TSGA10: variants seen among roughly 807,000 people sequenced by gnomAD.
TSGA10 encodes testis-specific gene 10 protein.
A neutral mutation model predicts 96.6 loss-of-function variants in TSGA10; 43 were observed. The ratio of observed to expected loss-of-function variants is 0.44; its 90% confidence interval spans 0.35 to 0.57. The LOEUF (loss-of-function observed/expected upper bound fraction) is 0.57, where lower values mean the gene tolerates loss of function less well. Among genes scored for constraint, TSGA10 ranks in the 20% least tolerant of loss-of-function variants. The pLI is 0.01. For synonymous variants in TSGA10, 229 were observed against 269.9 expected (o/e 0.85, Z 1.48); for missense variants, 703 against 834.4 (o/e 0.84, Z 1.94).
intron 1 of TSGA10, among the ~76,000 whole-genome samples, chr2:99,139,508 T>A (rs2105089814): frequency 6.6e-6 from 1 of 152,312 alleles, no homozygotes; most frequent in African/African-American, 2.4e-5. Context: ...TGGGTTTTTC[T>A]TTTTAAAAAT....
chr2:99,083,274 T>C (rs1035576837), intron 10 of TSGA10, among the ~76,000 whole-genome samples: 1 of 152,170 alleles, frequency 6.6e-6, no homozygotes, highest in Non-Finnish European at 1.5e-5. Flanking sequence ...CTATACTTTA[T>C]GCAAACTGAT....
At chr2:99,003,541 T>C (rs996571039) in intron 20 of TSGA10, among the ~76,000 whole-genome samples, 10 of 152,170 alleles carry the variant, frequency 6.6e-5, no homozygotes, top group African/African-American at 2.2e-4. Context: ...ATTGACCACA[T>C]AGTTGGAAGT....
intron 8 of TSGA10, 22 bp from the exon 9 acceptor site, chr2:99,105,458 A>C (rs762283524): frequency 4.3e-6 from 7 of 1,613,836 alleles, no homozygotes; most frequent in Non-Finnish European, 5.9e-6. Context: ...GCAAAAACAA[A>C]ATAAAGTGAT....
Position 99,068,920 on chromosome 2 carries a change from C to A in TSGA10, c.1186G>T (p.Val396Phe). Residue 396 changes from valine (V) to phenylalanine (F), a missense_variant, in exon 15 of 21, where the codon GTT becomes TTT. By Grantham distance (50) the Val-to-Phe change is conservative. Transcript: ENST00000393483. ...TTTAATATATTCTTCAGCTTGTTAA[C>A]CTCCAAATTAGTATCTTGAACCTTC... ...KQKVQDTNLE[V>F]NKLKNILKSE... 1 of 1,462,480 alleles carries A rather than the reference C, an allele frequency of 6.8e-7. No homozygotes were observed. The highest frequency in any genetic ancestry group is 9.0e-7 in the Non-Finnish European group (1 of 1,110,056). 90.6% of individuals were successfully genotyped at this position (1,462,480 alleles called of 1,614,324 possible). A position where few individuals can be genotyped will look rare whatever the true frequency, so the allele number is the denominator to read the frequency against.
chr2:99,078,301 A>G (rs1431314013), intron 12 of TSGA10, among the ~76,000 whole-genome samples: 5 of 148,596 alleles, frequency 3.4e-5, no homozygotes, highest in African/African-American at 1.2e-4. Context: ...AAGTGTTCCT[A>G]GTTCTAAACA....
At chr2:99,121,807 C>A (rs150889885) in intron 2 of TSGA10, among the ~76,000 whole-genome samples, 3 of 152,108 alleles carry the variant, frequency 2.0e-5, no homozygotes, top group African/African-American at 7.2e-5. Context: ...CCAATTTTTC[C>A]TTTTATGAGT....
intron 17 of TSGA10, among the ~76,000 whole-genome samples, chr2:99,031,933 A>C (rs2105052943): frequency 6.6e-6 from 1 of 152,356 alleles, no homozygotes; most frequent in South Asian, 2.1e-4. Context: ...GCTGCTGCAA[A>C]TATAGATTAA....
chr2:99,114,464 CTTTA>C (rs2092080499), intron 4 of TSGA10, among the ~76,000 whole-genome samples: 1 of 152,082 alleles, frequency 6.6e-6, no homozygotes. Flanking sequence ...TTTGTTCTCT[CTTTA>C]TTAAGTTTCT....
chr2:99,146,210 A>G (rs2093630337), intron 1 of TSGA10, among the ~76,000 whole-genome samples: 1 of 152,206 alleles, frequency 6.6e-6, no homozygotes, highest in Non-Finnish European at 1.5e-5. Context: ...GTGAACCCAG[A>G]AAGGCGGAGG....
chr2:99,118,530 T>C lies in TSGA10; in HGVS notation c.-356+21A>G, dbSNP rs2092404299. On this transcript the variant is annotated intron_variant, in intron 3 of 20. Coordinates refer to ENST00000393483, the MANE Select transcript of TSGA10 (RefSeq NM_025244.4). ...ATTATTAACTTTTTAAAAAGTCCTT[T>C]TGAAAGTATCAGTAACTTACTTGAC... 4.1e-6 allele frequency: 4 copies of C among 970,876 alleles called. No homozygotes were observed. The African/African-American group carries it at 5.3e-5, about 13-fold the overall frequency. The allele number at this position is 970,876 out of a possible 1,614,324, so 60.1% of individuals were successfully genotyped here. A position where few individuals can be genotyped will look rare whatever the true frequency, so the allele number is the denominator to read the frequency against.
At chr2:99,113,135 A>G (rs1169212370) in intron 4 of TSGA10, among the ~76,000 whole-genome samples, 1 of 152,084 alleles carries the variant, frequency 6.6e-6, no homozygotes, top group Non-Finnish European at 1.5e-5. Context: ...ACAACTCAAG[A>G]TGAGAGAATA....
intron 16 of TSGA10, among the ~76,000 whole-genome samples, chr2:99,062,408 A>T (rs2084801600): frequency 6.6e-6 from 1 of 152,208 alleles, no homozygotes; most frequent in Non-Finnish European, 1.5e-5. Context: ...AAAATAGACT[A>T]ATAACCTCAA....
chr2:99,001,934 G>GA (rs2077959999), intron 20 of TSGA10, among the ~76,000 whole-genome samples: 1 of 152,088 alleles, frequency 6.6e-6, no homozygotes, highest in South Asian at 2.1e-4. Flanking sequence ...GAAGTTTAGA[G>GA]AAAAAAGAAT....
Position 99,154,933 on chromosome 2 carries a change from G to A in TSGA10, c.-861C>T, listed in dbSNP as rs2093733887. The A allele has an allele frequency of 4.4e-6, 2 of 449,500 alleles. No homozygotes were observed. Among genetic ancestry groups the A allele is most frequent in the Admixed American group, 2.4e-5 (1 of 41,860 alleles). 27.8% of individuals were successfully genotyped at this position (449,500 alleles called of 1,614,324 possible). On this transcript the variant is annotated 5_prime_UTR_variant, in exon 1 of 21. Coordinates refer to ENST00000393483, the MANE Select transcript of TSGA10 (RefSeq NM_025244.4). ...CCCTCCTTCTCTTGCGCTTCAGGGG[G>A]CCGGCCCTCAGGGGGCGGGGCAGCA...
At chr2:99,129,043 C>T (rs1028883885) in intron 1 of TSGA10, among the ~76,000 whole-genome samples, 1 of 152,190 alleles carries the variant, frequency 6.6e-6, no homozygotes, top group African/African-American at 2.4e-5. Flanking sequence ...ACCCAGCCAA[C>T]ACATTCTTAA....
At chr2:99,088,643 A>G (rs1384158853) in intron 10 of TSGA10, among the ~76,000 whole-genome samples, 4 of 152,224 alleles carry the variant, frequency 2.6e-5, no homozygotes, top group Non-Finnish European at 5.9e-5. Flanking sequence ...TCCTTATGAA[A>G]TTAAATGCAT....
chr2:99,134,353 C>A (rs761538888), intron 1 of TSGA10, among the ~76,000 whole-genome samples: 4 of 152,054 alleles, frequency 2.6e-5, no homozygotes, highest in Non-Finnish European at 5.9e-5. Flanking sequence ...CATAGCCTTT[C>A]TTCCACTTGA....
chr2:99,134,901 G>A (rs1268575532), intron 1 of TSGA10, among the ~76,000 whole-genome samples: 1 of 152,206 alleles, frequency 6.6e-6, no homozygotes, highest in African/African-American at 2.4e-5. Flanking sequence ...GTTTGCCTGA[G>A]TATCACCAGC....
intron 1 of TSGA10, chr2:99,151,507 C>A (rs1183889498): frequency 6.7e-6 from 1 of 150,300 alleles, no homozygotes; most frequent in East Asian, 1.9e-4. Context: ...ATGTGACATC[C>A]GTATTTCACA....
Sources: gnomAD v4.1 joint callset for allele counts (sites outside exome capture counted in the v4.1 genomes callset) on GRCh38, gnomAD v4.1.1 for gene constraint, MANE v1.5 for transcripts, NCBI Gene and HGNC (gene_info 2026-07-23, HGNC 2026-07-21) for gene names.